PID1: variants seen among roughly 807,000 people sequenced by gnomAD.
The protein encoded by PID1 is phosphotyrosine interaction domain containing 1, also known as PTB-containing, cubilin and LRP1-interacting protein.
PID1 carries 10 observed loss-of-function variants against 19.1 expected under a neutral mutation model. The ratio of observed to expected loss-of-function variants is 0.52; its 90% CI spans 0.32 to 0.89. PID1 has a LOEUF of 0.89. PID1 is among the 40% of genes least tolerant of loss of function. The pLI is 0.03. For synonymous variants in PID1, 130 were observed against 116.0 expected (o/e 1.12, Z -0.78); for missense variants, 248 against 285.3 (o/e 0.87, Z 0.94).
At chr2:229,254,516 A>G (rs1461874024) in intron 1 of PID1, among the ~76,000 whole-genome samples, 4 of 152,310 alleles carry the variant, frequency 2.6e-5, no homozygotes, top group Non-Finnish European at 4.4e-5. Context: ...ACATTCTTCT[A>G]TTAGGCCATG....
chr2:229,203,971 A>G (rs1309495454), intron 1 of PID1, among the ~76,000 whole-genome samples: 2 of 152,090 alleles, frequency 1.3e-5, no homozygotes, highest in African/African-American at 2.4e-5. Context: ...ACCTATTTAG[A>G]CCTATTAGAC....
chr2:229,262,127 G>A (rs566617621), intron 1 of PID1, among the ~76,000 whole-genome samples: 229 of 152,300 alleles, frequency 1.5e-3, no homozygotes, highest in African/African-American at 5.1e-3. Context: ...TACCCAGAGA[G>A]CCTACAGGGA....
At chr2:229,177,981 C>A (rs929841452) in intron 1 of PID1, among the ~76,000 whole-genome samples, 2 of 152,106 alleles carry the variant, frequency 1.3e-5, no homozygotes, top group African/African-American at 4.8e-5. Context: ...CCAGGGTCTC[C>A]CCACCGACAA....
At position 229,204,587 on chromosome 2, in the gene PID1, A is replaced by G. The variant is rs73998588; in HGVS notation, c.31-48623T>C. On this transcript the variant is annotated intron_variant, in intron 1 of 2. Coordinates refer to ENST00000392055, the MANE Select transcript of PID1 (RefSeq NM_001100818.2). Reference sequence around the variant, plus strand: ...TTGATTAGTTTGTCCACCTACCTAGAGAATCATGAGGGCAATTTAGACAAG... The same window carrying G: ...TTGATTAGTTTGTCCACCTACCTAGGGAATCATGAGGGCAATTTAGACAAG... Among the ~76,000 whole-genome samples, 949 of 152,200 alleles carry G rather than the reference A, an allele frequency of 6.2e-3. 11 individuals carry two copies. Among genetic ancestry groups the G allele is most frequent in the African/African-American group, 0.019 (795 of 41,524 alleles).
chr2:229,050,693 A>G (rs1460782854), intron 2 of PID1, among the ~76,000 whole-genome samples: 1 of 152,136 alleles, frequency 6.6e-6, no homozygotes, highest in Non-Finnish European at 1.5e-5. Context: ...TTGTCCTGCC[A>G]TTAGCCATCT....
rs150287150 is a variant in PID1 at position 229,154,328 on chromosome 2, C to T, written c.177+1490G>A. On this transcript the variant is annotated intron_variant, in intron 2 of 2. Transcript: ENST00000392055. ...GTTCTCAGGTACACTGGCCCATTCC[C>T]TGTTGTTCCCAAACACACCAAGACC... is the stretch of plus-strand genomic sequence containing the variant. 1.5e-3 allele frequency among the ~76,000 whole-genome samples: 231 copies of T among 152,220 alleles called. 2 individuals are homozygous for T. Among genetic ancestry groups the T allele is most frequent in the African/African-American group, 5.2e-3 (214 of 41,514 alleles).
chr2:229,121,963 G>A (rs1695532439), intron 2 of PID1, among the ~76,000 whole-genome samples: 1 of 152,156 alleles, frequency 6.6e-6, no homozygotes, highest in South Asian at 2.1e-4. Flanking sequence ...TGTGGCTTTT[G>A]ACAGGGTGAT....
chr2:229,215,598 T>A (rs968250219), intron 1 of PID1, among the ~76,000 whole-genome samples: 1 of 152,196 alleles, frequency 6.6e-6, no homozygotes, highest in Non-Finnish European at 1.5e-5. Flanking sequence ...TACACTCAAC[T>A]GAGCACTCAA....
At chr2:229,258,779 G>A (rs1294084601) in intron 1 of PID1, among the ~76,000 whole-genome samples, 3 of 150,728 alleles carry the variant, frequency 2.0e-5, no homozygotes, top group African/African-American at 4.9e-5. Context: ...GGAGAACGGC[G>A]TGAACCCAGG....
intron 2 of PID1, among the ~76,000 whole-genome samples, chr2:229,065,429 C>T (rs1360977470): frequency 1.3e-5 from 2 of 152,030 alleles, no homozygotes; most frequent in East Asian, 1.9e-4. Context: ...AAACTGTTGG[C>T]TTCATTGTCT....
intron 1 of PID1, among the ~76,000 whole-genome samples, chr2:229,197,334 T>A (rs995775857): frequency 6.6e-6 from 1 of 151,674 alleles, no homozygotes; most frequent in African/African-American, 2.4e-5. Flanking sequence ...AGAAAAAAAA[T>A]TTGACAGTAT....
intron 2 of PID1, among the ~76,000 whole-genome samples, chr2:229,132,003 A>G (rs1307830059): frequency 1.3e-5 from 2 of 152,112 alleles, no homozygotes; most frequent in Non-Finnish European, 2.9e-5. Flanking sequence ...AGACAGTAAC[A>G]ATCTTTATAG....
chr2:229,057,179 T>G (rs1009128902), intron 2 of PID1, among the ~76,000 whole-genome samples: 1 of 152,186 alleles, frequency 6.6e-6, no homozygotes, highest in African/African-American at 2.4e-5. Context: ...GGCTCATGCC[T>G]GTAATCCCAG....
chr2:229,170,816 A>G (rs1309421024), intron 1 of PID1, among the ~76,000 whole-genome samples: 1 of 152,224 alleles, frequency 6.6e-6, no homozygotes, highest in Non-Finnish European at 1.5e-5. Context: ...AACCAAGTGC[A>G]GAGGGAGAAA....
At chr2:229,183,030 T>C (rs1690979990) in intron 1 of PID1, among the ~76,000 whole-genome samples, 1 of 152,240 alleles carries the variant, frequency 6.6e-6, no homozygotes, top group South Asian at 2.1e-4. Context: ...ATGGAACTCA[T>C]GGATGCGACC....
chr2:229,178,805 T>C (rs1348043112), intron 1 of PID1, among the ~76,000 whole-genome samples: 6 of 152,266 alleles, frequency 3.9e-5, no homozygotes, highest in Non-Finnish European at 8.8e-5. Flanking sequence ...GGAAAGTGTC[T>C]CTTGTGGTCT....
At chr2:229,122,502 G>A (rs921972231) in intron 2 of PID1, among the ~76,000 whole-genome samples, 5 of 151,952 alleles carry the variant, frequency 3.3e-5, no homozygotes, top group African/African-American at 1.2e-4. Flanking sequence ...GGGACACAGC[G>A]CCTGACCCTG....
chr2:229,183,538 T>C (rs2106220942), intron 1 of PID1, among the ~76,000 whole-genome samples: 1 of 152,256 alleles, frequency 6.6e-6, no homozygotes, highest in East Asian at 1.9e-4. Flanking sequence ...TCCAATTAGT[T>C]GAAGGCCTAA....
At chr2:229,191,836 G>C (rs1691267190) in intron 1 of PID1, among the ~76,000 whole-genome samples, 1 of 152,166 alleles carries the variant, frequency 6.6e-6, no homozygotes, top group Admixed American at 6.5e-5. Context: ...AACAGGTTTA[G>C]AAAATGGATT....
Sources: allele counts gnomAD v4.1 joint callset (sites outside exome capture counted in the v4.1 genomes callset), GRCh38; gene constraint gnomAD v4.1.1; transcripts MANE v1.5; gene names NCBI Gene and HGNC (gene_info 2026-07-23, HGNC 2026-07-21).